Variants in ARHGAP22 observed in about 807,000 individuals in gnomAD.
ARHGAP22 encodes Rho GTPase activating protein 22.
Under a neutral mutation model 59.1 loss-of-function variants are expected in ARHGAP22, and 48 were observed. The ratio of observed to expected loss-of-function variants is 0.81; its 90% CI spans 0.64 to 1.03. The LOEUF (loss-of-function observed/expected upper bound fraction) is 1.03, where lower values mean the gene tolerates loss of function less well. Ranked by LOEUF, ARHGAP22 falls within the 50% of genes least tolerant of loss-of-function variation. The pLI is 0.00. For missense variants in ARHGAP22, 1,015 were observed against 958.7 expected (o/e 1.06, Z -0.78); for synonymous variants, 445 against 416.4 (o/e 1.07, Z -0.84).
At chr10:48,569,981 G>A (rs539700525) in intron 2 of ARHGAP22, among the ~76,000 whole-genome samples, 152 of 152,278 alleles carry the variant, frequency 1.0e-3, no homozygotes, top group African/African-American at 3.5e-3. Flanking sequence ...GAACCCTGCA[G>A]GATGGTATAA....
chr10:48,655,094 CT>C (rs1435904043), upstream of ARHGAP22, among the ~76,000 whole-genome samples: 7 of 77,214 alleles, frequency 9.1e-5, no homozygotes, highest in African/African-American at 3.3e-4. Flanking sequence ...CTTCTCTTCT[CT>C]TCTCTTCTCT....
chr10:48,607,456 G>T (rs1490896723), upstream of ARHGAP22, among the ~76,000 whole-genome samples: 2 of 152,168 alleles, frequency 1.3e-5, no homozygotes, highest in Non-Finnish European at 2.9e-5. Flanking sequence ...TTCCTGAGAT[G>T]AAGGGTCCAC....
At chr10:48,630,797 A>G (rs2061604317) in intron 1 of ARHGAP22, among the ~76,000 whole-genome samples, 1 of 152,166 alleles carries the variant, frequency 6.6e-6, no homozygotes, top group South Asian at 2.1e-4. Flanking sequence ...CTCTTGTCTT[A>G]CTGCATTTGC....
At chr10:48,530,302 A>G (rs905549805) in intron 3 of ARHGAP22, among the ~76,000 whole-genome samples, 27 of 151,700 alleles carry the variant, frequency 1.8e-4, no homozygotes, top group African/African-American at 6.5e-4. Context: ...TAAGACCTGA[A>G]ACTGTAAAAA....
At chr10:48,597,222 G>A (rs2060122549) in intron 1 of ARHGAP22, among the ~76,000 whole-genome samples, 1 of 152,100 alleles carries the variant, frequency 6.6e-6, no homozygotes, top group Admixed American at 6.5e-5. Flanking sequence ...GAAGAGGATG[G>A]GAACTCATCA....
intron 3 of ARHGAP22, among the ~76,000 whole-genome samples, chr10:48,522,775 G>A (rs1589922510): frequency 1.3e-5 from 2 of 152,284 alleles, no homozygotes; most frequent in South Asian, 4.1e-4. Flanking sequence ...ACAATCAGAA[G>A]CTGAGGAAAC....
intron 1 of ARHGAP22, among the ~76,000 whole-genome samples, chr10:48,637,468 T>C (rs897322239): frequency 6.7e-6 from 1 of 149,588 alleles, no homozygotes; most frequent in African/African-American, 2.5e-5. Flanking sequence ...GGTAGATGGA[T>C]AGATGGTAGA....
At chr10:48,528,879 A>G (rs1488206952) in intron 3 of ARHGAP22, among the ~76,000 whole-genome samples, 11 of 152,152 alleles carry the variant, frequency 7.2e-5, no homozygotes, top group African/African-American at 2.4e-4. Context: ...GCCTTCTGCC[A>G]TGATTGTAAA....
intron 2 of ARHGAP22, among the ~76,000 whole-genome samples, chr10:48,564,064 T>C (rs1365682642): frequency 2.0e-5 from 3 of 152,232 alleles, no homozygotes; most frequent in Non-Finnish European, 4.4e-5. Flanking sequence ...ATGGGCATTC[T>C]CATACACTTT....
chr10:48,458,445 A>AC (rs577397596), intron 5 of ARHGAP22, among the ~76,000 whole-genome samples: 15 of 151,396 alleles, frequency 9.9e-5, no homozygotes, highest in South Asian at 6.3e-4. Context: ...CCAGGTGGAG[A>AC]CCCCCCCAGC....
chr10:48,583,482 C>T (rs1157889513), intron 1 of ARHGAP22, among the ~76,000 whole-genome samples: 1 of 152,226 alleles, frequency 6.6e-6, no homozygotes. Context: ...CATGCATCCA[C>T]CTGTTCATCC....
intron 5 of ARHGAP22, among the ~76,000 whole-genome samples, chr10:48,459,020 C>A (rs1393067344): frequency 6.6e-6 from 1 of 152,200 alleles, no homozygotes; most frequent in Non-Finnish European, 1.5e-5. Flanking sequence ...AGGGCATAAG[C>A]CCCATGGAGG....
intron 1 of ARHGAP22, among the ~76,000 whole-genome samples, chr10:48,642,799 G>A (rs1176490199): frequency 6.6e-6 from 1 of 152,122 alleles, no homozygotes. Context: ...GAATGAACAG[G>A]CAACCTACAG....
intron 1 of ARHGAP22, among the ~76,000 whole-genome samples, chr10:48,622,128 C>T (rs546253798): frequency 5.9e-5 from 9 of 152,202 alleles, no homozygotes; most frequent in African/African-American, 1.9e-4. Context: ...AGAGTTTAGT[C>T]CATTTGCATT....
intron 1 of ARHGAP22, among the ~76,000 whole-genome samples, chr10:48,644,268 C>A (rs2062195602): frequency 6.6e-6 from 1 of 152,086 alleles, no homozygotes; most frequent in African/African-American, 2.4e-5. Flanking sequence ...AACATGAGAG[C>A]CCCAAAATGC....
chr10:48,582,934 C>T lies in ARHGAP22; in HGVS notation c.234+19G>A. 1 of 1,613,368 alleles carries T rather than the reference C, an allele frequency of 6.2e-7. No individual in the cohort carries two copies. The highest frequency in any genetic ancestry group is 8.5e-7 in the Non-Finnish European group (1 of 1,179,360). ...GCCCTGCCACGATGCCCACGGCACA[C>T]CGGACATGCACTTCTCACCTGGGGC... On this transcript the variant is annotated intron_variant, in intron 2 of 9. Transcript: ENST00000249601.
At chr10:48,452,676 C>T (rs1367607240) in intron 8 of ARHGAP22, among the ~76,000 whole-genome samples, 2 of 152,244 alleles carry the variant, frequency 1.3e-5, no homozygotes, top group Admixed American at 6.5e-5. Context: ...TGGCAGCCTA[C>T]ACCTGTGCCC....
the ARHGAP22 span, chr10:48,435,605 A>G: frequency 6.6e-6 from 1 of 152,198 alleles, no homozygotes; most frequent in South Asian, 2.1e-4. Context: ...CTACTTGCCA[A>G]TCCTAATTTA....
rs368842299 is a variant in ARHGAP22 at position 48,476,309 on chromosome 10, G to A, written c.451+3327C>T. Among the ~76,000 whole-genome samples, 8 of 152,322 alleles carry A rather than the reference G, an allele frequency of 5.3e-5. No homozygotes were observed. In the South Asian group the frequency reaches 1.2e-3, roughly 24 times the overall value. On this transcript the variant is annotated intron_variant, in intron 4 of 9. Coordinates refer to ENST00000249601, the MANE Select transcript of ARHGAP22 (RefSeq NM_021226.4). ...AGCAGTGAGGCTCCCCTGACCACTG[G>A]CTGCTCCCACTTCTCAAGGGGATGG...
Sources: gnomAD v4.1 joint callset for allele counts (sites outside exome capture counted in the v4.1 genomes callset) on GRCh38, gnomAD v4.1.1 for gene constraint, MANE v1.5 for transcripts, NCBI Gene and HGNC (gene_info 2026-07-23, HGNC 2026-07-21) for gene names.